The following NUP153 variants were observed in gnomAD, a reference collection of about 807,000 sequenced individuals.
NUP153 encodes the protein nucleoporin 153, also known as nuclear pore complex protein Nup153.
In NUP153, 27 loss-of-function variants were observed where a neutral mutation model predicts 134.6. The ratio of observed to expected loss-of-function variants is 0.20; its 90% CI spans 0.15 to 0.28. The LOEUF is 0.28. Among genes scored for constraint, NUP153 ranks in the 10% least tolerant of loss-of-function variants. The probability of loss-of-function intolerance (pLI) is 1.00; values close to 1 mark genes in which losing one functional copy is unlikely to be tolerated. For synonymous variants in NUP153, 640 were observed against 623.5 expected (o/e 1.03, Z -0.40); for missense variants, 1,821 against 1,731.3 (o/e 1.05, Z -0.92).
chr6:17,670,866 G>A lies in NUP153; in HGVS notation c.853-1320C>T, dbSNP rs568003591. ...CAGTCTGTTGCCCAGGCTGGAGTGC[G>A]GTGGCACAATCTCGGCTCACTGCAA... is the stretch of plus-strand genomic sequence containing the variant. On this transcript the variant is annotated intron_variant, in intron 5 of 21. Transcript: ENST00000262077. Among the ~76,000 whole-genome samples, 316 of 151,662 alleles carry A rather than the reference G, an allele frequency of 2.1e-3. 1 individual carries two copies. Among genetic ancestry groups the A allele is most frequent in the Non-Finnish European group, 3.3e-3 (227 of 67,916 alleles).
At chr6:17,672,302 G>T (rs1767963999) in intron 5 of NUP153, among the ~76,000 whole-genome samples, 1 of 152,200 alleles carries the variant, frequency 6.6e-6, no homozygotes, top group Admixed American at 6.5e-5. Flanking sequence ...TGCAGGCCAG[G>T]CCTGGTGGTT....
intron 1 of NUP153, among the ~76,000 whole-genome samples, chr6:17,700,457 C>T (rs556116337): frequency 6.6e-6 from 1 of 152,310 alleles, no homozygotes; most frequent in South Asian, 2.1e-4. Context: ...ATCAACTATC[C>T]AATCCTATCA....
At chr6:17,630,721 G>A (rs895327033) in intron 17 of NUP153, among the ~76,000 whole-genome samples, 3 of 146,426 alleles carry the variant, frequency 2.0e-5, no homozygotes, top group African/African-American at 7.5e-5. Flanking sequence ...AGAGGGGAGG[G>A]GAGACAAGAG....
chr6:17,676,749 T>C (rs963183548), intron 2 of NUP153, among the ~76,000 whole-genome samples: 1 of 152,156 alleles, frequency 6.6e-6, no homozygotes, highest in African/African-American at 2.4e-5. Flanking sequence ...AGGAACATTT[T>C]CAGACCTTGA....
At position 17,625,782 on chromosome 6, in the gene NUP153, A is replaced by G. The variant is rs777403331; in HGVS notation, c.3901+26T>C. The stretch of plus-strand genomic sequence containing the variant: ...AATAAGTAAAGTCCATCCAATTACA[A>G]TGCATTTTTTCTTTTGTAAATGTAC... On this transcript the variant is annotated intron_variant, in intron 19 of 21. Transcript: ENST00000262077. The surrounding 1 kb of genome is among the most constrained non-coding windows in gnomAD (Gnocchi z 4.7). The G allele has an allele frequency of 5.3e-6, 8 of 1,523,684 alleles. No individual in the cohort carries two copies. Among genetic ancestry groups the G allele is most frequent in the African/African-American group, 2.7e-5 (2 of 72,900 alleles). The allele number at this position is 1,523,684 out of a possible 1,614,324, so 94.4% of individuals were successfully genotyped here.
rs1425440984 is a variant in NUP153, at chr6:17,675,219, T to C, written c.723+10A>G. ...CTAATGTGATTAAATCCAACCCAGT[T>C]AGTACTCACAGGGGAAAGTGTTCCA... On this transcript the variant is annotated intron_variant, in intron 4 of 21. Transcript: ENST00000262077. The surrounding 1 kb of genome is among the most constrained non-coding windows in gnomAD (Gnocchi z 4.4). The C allele has an allele frequency of 1.2e-6, 2 of 1,613,690 alleles. No individual in the cohort carries two copies. The highest frequency in any genetic ancestry group is 1.7e-6 in the Non-Finnish European group (2 of 1,179,854).
At chr6:17,632,052 T>TA (rs1352991934) in intron 17 of NUP153, among the ~76,000 whole-genome samples, 1 of 152,152 alleles carries the variant, frequency 6.6e-6, no homozygotes, top group Non-Finnish European at 1.5e-5. Flanking sequence ...AGTAAAATAT[T>TA]AAGAGTTCTT....
chr6:17,641,992 T>G (rs1765866903), intron 14 of NUP153, among the ~76,000 whole-genome samples: 1 of 152,134 alleles, frequency 6.6e-6, no homozygotes, highest in Non-Finnish European at 1.5e-5. Flanking sequence ...ATAACCAAGT[T>G]TTTCTTTTTA....
intron 1 of NUP153, among the ~76,000 whole-genome samples, chr6:17,702,161 C>T (rs1383935605): frequency 6.6e-6 from 1 of 152,146 alleles, no homozygotes; most frequent in Non-Finnish European, 1.5e-5. Flanking sequence ...AAAAGGAAGA[C>T]AGGAACTAAC....
At chr6:17,640,637 G>C (rs957290458) in intron 14 of NUP153, among the ~76,000 whole-genome samples, 1 of 152,130 alleles carries the variant, frequency 6.6e-6, no homozygotes, top group Admixed American at 6.5e-5. Context: ...TCAAAACAGA[G>C]AGTGAGTGTC....
chr6:17,659,504 C>T (rs1311167406), intron 11 of NUP153, among the ~76,000 whole-genome samples: 1 of 152,194 alleles, frequency 6.6e-6, no homozygotes, highest in Non-Finnish European at 1.5e-5. Context: ...GACAAAGTCT[C>T]GCTCTGTTGC....
At chr6:17,664,073 A>G (rs1410674525) in intron 9 of NUP153, among the ~76,000 whole-genome samples, 2 of 152,176 alleles carry the variant, frequency 1.3e-5, no homozygotes, top group Non-Finnish European at 2.9e-5. Context: ...ATACAATGAA[A>G]TATCTACAAA....
intron 1 of NUP153, among the ~76,000 whole-genome samples, chr6:17,702,769 A>G (rs934511081): frequency 2.6e-5 from 4 of 152,206 alleles, no homozygotes; most frequent in African/African-American, 9.6e-5. Flanking sequence ...AGTAAGAATG[A>G]TCAGCTTGCA....
intron 1 of NUP153, among the ~76,000 whole-genome samples, chr6:17,696,680 G>A (rs1364898748): frequency 3.3e-5 from 5 of 151,936 alleles, no homozygotes; most frequent in East Asian, 3.9e-4. Context: ...GCGTGAACCC[G>A]GCAGGCGGAG....
chr6:17,637,230 G>T lies in NUP153; in HGVS notation c.2387C>A (p.Ser796Tyr), dbSNP rs376259498. 3.0e-5 allele frequency: 48 copies of T among 1,613,988 alleles called. No homozygotes were observed. Among genetic ancestry groups the T allele is most frequent in the Non-Finnish European group, 3.9e-5 (46 of 1,179,996 alleles). Residue 796 changes from serine to tyrosine, a missense_variant, in exon 16 of 22, where the codon TCT (serine) becomes TAT (tyrosine). Ser to Tyr is a moderately radical substitution (Grantham distance 144). Coordinates refer to ENST00000262077, the MANE Select transcript of NUP153 (RefSeq NM_005124.4). ...AACACAGCATACTGAACACTCCCAAGATCCAATGGGCCTTTTGAATTTATC... is the reference window on the plus strand; with the variant it reads ...AACACAGCATACTGAACACTCCCAATATCCAATGGGCCTTTTGAATTTATC... The part of the protein sequence containing the change: ...FGDKFKRPIG[S>Y]WECSVCCVSN...
intron 2 of NUP153, among the ~76,000 whole-genome samples, chr6:17,678,255 C>T (rs1400053954): frequency 6.7e-6 from 1 of 148,466 alleles, no homozygotes; most frequent in Non-Finnish European, 1.5e-5. Context: ...ACCTGGGAGG[C>T]TGAAGCACGA....
At chr6:17,654,000 C>T (rs1766658860) in intron 11 of NUP153, among the ~76,000 whole-genome samples, 1 of 151,598 alleles carries the variant, frequency 6.6e-6, no homozygotes, top group African/African-American at 2.4e-5. Context: ...TAAAATGCAC[C>T]AAAAAATAAA....
At chr6:17,624,421 C>T in intron 20 of NUP153, 140 bp downstream of exon 20, 3 of 740,168 alleles carry the variant, frequency 4.1e-6, no homozygotes, top group Non-Finnish European at 6.4e-6. Context: ...TATATAAATC[C>T]AACCATATTA....
At chr6:17,646,458 G>A (rs1249905118) in intron 13 of NUP153, among the ~76,000 whole-genome samples, 2 of 152,108 alleles carry the variant, frequency 1.3e-5, no homozygotes, top group East Asian at 1.9e-4. Context: ...CGCCCGCCTC[G>A]GCCTCCCAAA....
Sources: gnomAD v4.1 joint callset for allele counts (sites outside exome capture counted in the v4.1 genomes callset) on GRCh38, gnomAD v4.1.1 for gene constraint, Gnocchi (gnomAD v3.1) non-coding constraint, MANE v1.5 for transcripts, NCBI Gene and HGNC (gene_info 2026-07-23, HGNC 2026-07-21) for gene names.